The following C2CD5 variants were observed in gnomAD, a reference collection of about 807,000 sequenced individuals.
C2CD5 encodes the protein C2 domain-containing protein 5.
In C2CD5, 109 loss-of-function variants were observed where a neutral mutation model predicts 130.3. That is an observed-to-expected ratio of 0.84 (90% confidence interval 0.72 to 0.98). The LOEUF (loss-of-function observed/expected upper bound fraction) is 0.98, where lower values mean the gene tolerates loss of function less well. C2CD5 is among the 50% of genes least tolerant of loss of function. The pLI is 0.00. For synonymous variants in C2CD5, 454 were observed against 429.2 expected (o/e 1.06, Z -0.71); for missense variants, 996 against 1,261.8 (o/e 0.79, Z 3.19).
intron 3 of C2CD5, among the ~76,000 whole-genome samples, chr12:22,533,905 GC>G (rs1348994239): frequency 6.6e-6 from 1 of 152,196 alleles, no homozygotes; most frequent in Non-Finnish European, 1.5e-5. Flanking sequence ...TGAAGTTGGG[GC>G]CACGTGTGGT....
intron 8 of C2CD5, among the ~76,000 whole-genome samples, chr12:22,517,158 G>T (rs928156706): frequency 6.6e-6 from 1 of 151,590 alleles, no homozygotes; most frequent in African/African-American, 2.4e-5. Context: ...TACATATAGG[G>T]CTACTAAAAA....
At chr12:22,464,852 T>A (rs1430281191) in intron 22 of C2CD5, among the ~76,000 whole-genome samples, 1 of 152,150 alleles carries the variant, frequency 6.6e-6, no homozygotes, top group Non-Finnish European at 1.5e-5. Context: ...ATTCAAACCG[T>A]TAGTTGGCAG....
chr12:22,506,080 T>C (rs975697773), intron 10 of C2CD5, among the ~76,000 whole-genome samples: 8 of 151,562 alleles, frequency 5.3e-5, no homozygotes, highest in African/African-American at 1.9e-4. Flanking sequence ...CTCTAAGAAA[T>C]GACAGCTCCA....
chr12:22,509,916 T>C (rs1229569036), intron 9 of C2CD5, among the ~76,000 whole-genome samples: 1 of 152,130 alleles, frequency 6.6e-6, no homozygotes, highest in Non-Finnish European at 1.5e-5. Context: ...TTTAAAAGAA[T>C]AGCTTCTGCC....
At chr12:22,537,397 CAAG>C (rs2137273318) in intron 2 of C2CD5, among the ~76,000 whole-genome samples, 1 of 152,158 alleles carries the variant, frequency 6.6e-6, no homozygotes, top group South Asian at 2.1e-4. Flanking sequence ...GTCTTTCAAA[CAAG>C]AAAACAAATA....
chr12:22,539,120 C>T (rs1042969201), intron 2 of C2CD5, among the ~76,000 whole-genome samples: 4 of 152,132 alleles, frequency 2.6e-5, no homozygotes, highest in Non-Finnish European at 5.9e-5. Flanking sequence ...GTTGCCTATT[C>T]ATACTCTTTC....
intron 13 of C2CD5, among the ~76,000 whole-genome samples, chr12:22,483,216 AAAAT>A (rs1364804942): frequency 1.3e-5 from 2 of 152,180 alleles, no homozygotes; most frequent in Admixed American, 6.5e-5. Flanking sequence ...TCAATAAAGA[AAAAT>A]AAAAAATCTT....
At chr12:22,508,473 T>C (rs980521488) in intron 9 of C2CD5, among the ~76,000 whole-genome samples, 2 of 152,216 alleles carry the variant, frequency 1.3e-5, no homozygotes, top group Non-Finnish European at 2.9e-5. Flanking sequence ...CCTGGAAATC[T>C]AATAAAAATT....
chr12:22,527,907 T>C lies in C2CD5; in HGVS notation c.178-15A>G, dbSNP rs776764798. On this transcript the variant is annotated splice_polypyrimidine_tract_variant and intron_variant, in intron 3 of 26. Coordinates refer to ENST00000446597, the MANE Select transcript of C2CD5 (RefSeq NM_001286176.2). The stretch of plus-strand genomic sequence containing the variant: ...TCATCATCCACCTACAAGTATACCT[T>C]AAAATTAAAACTCATATAGTTTTTA... 1.9e-6 allele frequency: 3 copies of C among 1,559,512 alleles called. No individual in the cohort carries two copies. The South Asian group carries it at 3.5e-5, about 18-fold the overall frequency.
chr12:22,492,765 G>C (rs984652001), intron 11 of C2CD5, among the ~76,000 whole-genome samples: 2 of 152,124 alleles, frequency 1.3e-5, no homozygotes, highest in African/African-American at 4.8e-5. Flanking sequence ...TGATTTGTTA[G>C]CAAGAAACGT....
intron 3 of C2CD5, among the ~76,000 whole-genome samples, chr12:22,528,141 T>A (rs898818050): frequency 6.6e-6 from 1 of 152,118 alleles, no homozygotes; most frequent in African/African-American, 2.4e-5. Context: ...AACAAAAAAA[T>A]TTAAATCTCA....
At chr12:22,481,298 A>G (rs1004075987) in intron 14 of C2CD5, among the ~76,000 whole-genome samples, 9 of 152,176 alleles carry the variant, frequency 5.9e-5, no homozygotes, top group Admixed American at 2.6e-4. Context: ...TATAGAGACA[A>G]AAAAGTCCAA....
chr12:22,490,257 G>T, intron 11 of C2CD5, 39 bp from the exon 12 acceptor site: 1 of 1,421,712 alleles, frequency 7.0e-7, no homozygotes, highest in Non-Finnish European at 9.9e-7. Flanking sequence ...ACATTTTTCA[G>T]ACCGTATAAC....
chr12:22,539,754 G>C (rs971078222), intron 2 of C2CD5, among the ~76,000 whole-genome samples: 3 of 152,090 alleles, frequency 2.0e-5, no homozygotes, highest in Non-Finnish European at 4.4e-5. Flanking sequence ...CGCACTTTGG[G>C]AGGCCAATGT....
chr12:22,476,779 C>T (rs1043850659), intron 15 of C2CD5, among the ~76,000 whole-genome samples: 1 of 151,902 alleles, frequency 6.6e-6, no homozygotes, highest in African/African-American at 2.4e-5. Context: ...GTGAGAAACA[C>T]TATTAAGTAA....
At chr12:22,535,810 G>A (rs1204716121) in intron 2 of C2CD5, among the ~76,000 whole-genome samples, 7 of 152,098 alleles carry the variant, frequency 4.6e-5, no homozygotes, top group Admixed American at 3.9e-4. Context: ...GAATTGGTGC[G>A]GTACTGTCAT....
At chr12:22,490,347 T>C (rs1946178385) in intron 11 of C2CD5, 129 bp from the exon 12 acceptor site, 4 of 536,886 alleles carry the variant, frequency 7.5e-6, no homozygotes, top group Non-Finnish European at 1.3e-5. Flanking sequence ...TATTAAATAA[T>C]ATTTACGAGG....
intron 4 of C2CD5, among the ~76,000 whole-genome samples, chr12:22,527,330 A>ATATTTT (rs1472237626): frequency 7.2e-6 from 1 of 138,150 alleles, no homozygotes; most frequent in African/African-American, 2.8e-5. Context: ...ATATATATAT[A>ATATTTT]TTTTTTTTTT....
intron 9 of C2CD5, among the ~76,000 whole-genome samples, chr12:22,512,071 T>A (rs575141145): frequency 2.6e-5 from 4 of 152,314 alleles, no homozygotes; most frequent in Admixed American, 1.3e-4. Flanking sequence ...GTTGTAGGTT[T>A]GCCTGCAAGG....
Sources: gnomAD v4.1 joint callset for allele counts (sites outside exome capture counted in the v4.1 genomes callset) on GRCh38, gnomAD v4.1.1 for gene constraint, MANE v1.5 for transcripts, NCBI Gene and HGNC (gene_info 2026-07-23, HGNC 2026-07-21) for gene names.